Variants in PARD3 observed in about 807,000 individuals in gnomAD.
PARD3 encodes the protein par-3 family cell polarity regulator.
In PARD3, 75 loss-of-function variants were observed where a neutral mutation model predicts 155.4. The observed-to-expected ratio is 0.48, with a 90% confidence interval of 0.40 to 0.58. The LOEUF is 0.58. Among genes scored for constraint, PARD3 ranks in the 20% least tolerant of loss-of-function variants. The pLI is 0.00. For missense variants in PARD3, 1,642 were observed against 1,721.7 expected (o/e 0.95, Z 0.82); for synonymous variants, 576 against 610.5 (o/e 0.94, Z 0.83).
intron 7 of PARD3, among the ~76,000 whole-genome samples, chr10:34,393,722 T>G (rs1843056673): frequency 6.6e-6 from 1 of 152,120 alleles, no homozygotes. Context: ...AAGACCCAGT[T>G]TCTACTTAAT....
At chr10:34,317,567 A>G (rs959305320) in intron 19 of PARD3, among the ~76,000 whole-genome samples, 3 of 152,178 alleles carry the variant, frequency 2.0e-5, no homozygotes, top group African/African-American at 7.2e-5. Context: ...GCAAAACAGC[A>G]GCTTCCTGGT....
At chr10:34,740,008 G>A (rs149330471) in intron 1 of PARD3, among the ~76,000 whole-genome samples, 29 of 152,288 alleles carry the variant, frequency 1.9e-4, no homozygotes, top group African/African-American at 6.5e-4. Flanking sequence ...CAGCGACTCC[G>A]TGCAAGTTCA....
intron 24 of PARD3, among the ~76,000 whole-genome samples, chr10:34,115,718 T>C (rs947657187): frequency 2.0e-4 from 31 of 151,712 alleles, no homozygotes; most frequent in Non-Finnish European, 4.0e-4. Flanking sequence ...TTTTCTTTTT[T>C]TTTTTTTTCT....
intron 2 of PARD3, among the ~76,000 whole-genome samples, chr10:34,567,321 C>CA (rs1339150929): frequency 6.6e-6 from 1 of 152,044 alleles, no homozygotes; most frequent in Admixed American, 6.6e-5. Flanking sequence ...AAAACAATGT[C>CA]AAAATAAATG....
chr10:34,814,093 G>A (rs1355246174), intron 1 of PARD3, among the ~76,000 whole-genome samples: 2 of 152,186 alleles, frequency 1.3e-5, no homozygotes, highest in Non-Finnish European at 2.9e-5. Context: ...ACCAGCCCGG[G>A]ATAGGTAGGA....
chr10:34,495,927 C>T (rs529541080), intron 3 of PARD3, among the ~76,000 whole-genome samples: 31 of 151,802 alleles, frequency 2.0e-4, no homozygotes, highest in Non-Finnish European at 2.9e-4. Context: ...AAGAGGCTAG[C>T]CATGGTGGCT....
chr10:34,117,589 C>A (rs1021005933), intron 24 of PARD3, among the ~76,000 whole-genome samples: 1 of 152,118 alleles, frequency 6.6e-6, no homozygotes, highest in African/African-American at 2.4e-5. Context: ...GGCAGGAGAG[C>A]ACTGAGGGGA....
At chr10:34,590,841 T>C (rs2088611685) in intron 2 of PARD3, among the ~76,000 whole-genome samples, 1 of 152,178 alleles carries the variant, frequency 6.6e-6, no homozygotes, top group Non-Finnish European at 1.5e-5. Flanking sequence ...ATAAACGCTG[T>C]GTCCACAAGC....
chr10:34,741,025 T>C (rs2133881343), intron 1 of PARD3, among the ~76,000 whole-genome samples: 1 of 152,184 alleles, frequency 6.6e-6, no homozygotes, highest in Admixed American at 6.5e-5. Flanking sequence ...CTAAAACAAA[T>C]ATTATAGCTA....
Position 34,118,146 on chromosome 10 carries a change from C to G in PARD3, c.3668+1467G>C, listed in dbSNP as rs1040448015. 2.0e-5 allele frequency among the ~76,000 whole-genome samples: 3 copies of G among 152,142 alleles called. No homozygotes were observed. In the East Asian group the frequency reaches 5.8e-4, roughly 29 times the overall value. On this transcript the variant is annotated intron_variant, in intron 24 of 24. Coordinates refer to ENST00000374788, the MANE Select transcript of PARD3 (RefSeq NM_001184785.2). ...CAGGCTAAAGAACCTGGCAATTCTCCTCTTTAAAGGAAAAAATAATTTAGT... is the reference window on the plus strand; with the variant it reads ...CAGGCTAAAGAACCTGGCAATTCTCGTCTTTAAAGGAAAAAATAATTTAGT...
intron 4 of PARD3, among the ~76,000 whole-genome samples, chr10:34,451,594 T>A (rs2077060444): frequency 6.6e-6 from 1 of 152,134 alleles, no homozygotes; most frequent in African/African-American, 2.4e-5. Flanking sequence ...GAATAAAACT[T>A]AAAAATGAAT....
At chr10:34,647,989 T>C (rs1590394741) in intron 2 of PARD3, among the ~76,000 whole-genome samples, 1 of 152,242 alleles carries the variant, frequency 6.6e-6, no homozygotes, top group South Asian at 2.1e-4. Flanking sequence ...TCTGTACATG[T>C]AGATATGTGC....
At chr10:34,735,025 A>C (rs929339174) in intron 1 of PARD3, among the ~76,000 whole-genome samples, 1 of 151,814 alleles carries the variant, frequency 6.6e-6, no homozygotes, top group Non-Finnish European at 1.5e-5. Context: ...AAATGGATAA[A>C]TTAATAGGAA....
At chr10:34,205,621 G>A (rs185220948) in intron 22 of PARD3, among the ~76,000 whole-genome samples, 51 of 152,244 alleles carry the variant, frequency 3.3e-4, no homozygotes, top group East Asian at 9.7e-4. Flanking sequence ...GGAAGTGGGC[G>A]GCCAGGGAGA....
intron 2 of PARD3, among the ~76,000 whole-genome samples, chr10:34,629,113 G>T (rs1248537891): frequency 1.3e-5 from 2 of 152,160 alleles, no homozygotes; most frequent in Non-Finnish European, 1.5e-5. Flanking sequence ...TACCCAATTG[G>T]TGCGGTAATG....
intron 24 of PARD3, among the ~76,000 whole-genome samples, chr10:34,117,202 T>A (rs16935086): frequency 0.028 from 4,206 of 152,330 alleles, 197 homozygotes; most frequent in African/African-American, 0.094. Context: ...CACTTTGTTA[T>A]GTTTCTCCTT....
intron 2 of PARD3, among the ~76,000 whole-genome samples, chr10:34,637,834 T>C (rs537636674): frequency 2.3e-4 from 35 of 152,344 alleles, no homozygotes; most frequent in African/African-American, 8.2e-4. Flanking sequence ...TGATCTCTTC[T>C]ACAACTTCCA....
intron 7 of PARD3, among the ~76,000 whole-genome samples, chr10:34,393,245 A>C (rs563245637): frequency 6.6e-6 from 1 of 152,068 alleles, no homozygotes; most frequent in South Asian, 2.1e-4. Flanking sequence ...CACAGACTTA[A>C]GAATAAAGGT....
intron 5 of PARD3, among the ~76,000 whole-genome samples, chr10:34,447,621 T>A (rs1209927544): frequency 2.1e-5 from 3 of 144,298 alleles, no homozygotes; most frequent in Non-Finnish European, 3.0e-5. Flanking sequence ...ACCAACATGA[T>A]GAAACCCCGT....
Sources: allele counts gnomAD v4.1 joint callset (sites outside exome capture counted in the v4.1 genomes callset), GRCh38; gene constraint gnomAD v4.1.1; transcripts MANE v1.5; gene names NCBI Gene and HGNC (gene_info 2026-07-23, HGNC 2026-07-21).